The following LZTFL1 variants were observed in gnomAD, a reference collection of about 807,000 sequenced individuals.
LZTFL1 encodes the protein leucine zipper transcription factor like 1.
LZTFL1 carries 25 observed loss-of-function variants against 45.9 expected under a neutral mutation model. That is an observed-to-expected ratio of 0.54 (90% CI 0.40 to 0.76). The LOEUF (loss-of-function observed/expected upper bound fraction) is 0.76, where lower values mean the gene tolerates loss of function less well. LZTFL1 is among the 30% of genes least tolerant of loss of function. The probability of loss-of-function intolerance (pLI) is 0.00; values close to 1 mark genes in which losing one functional copy is unlikely to be tolerated. For missense variants in LZTFL1, 277 were observed against 331.1 expected (o/e 0.84, Z 1.27); for synonymous variants, 93 against 117.4 (o/e 0.79, Z 1.35).
In LZTFL1 at chr3:45,878,876, C is replaced by T. The variant is rs140931390; in HGVS notation, c.-214-19860G>A. ...CGGGCAGATCACGAGGTCAGGAGTT[C>T]GAGATACTTCACTGAAGAAGATATG... On this transcript the variant is annotated intron_variant, in intron 2 of 4. Transcript: ENST00000472635. 3.1e-3 allele frequency among the ~76,000 whole-genome samples: 474 copies of T among 152,226 alleles called. 2 individuals carry two copies. The highest frequency in any genetic ancestry group is 0.01 in the African/African-American group (425 of 41,538).
intron 2 of LZTFL1, among the ~76,000 whole-genome samples, chr3:45,884,440 ATG>A (rs1030549797): frequency 3.9e-5 from 6 of 152,162 alleles, no homozygotes; most frequent in African/African-American, 1.2e-4. Context: ...AGGAGAGGGC[ATG>A]TGAGTGCTCT....
At position 45,826,322 on chromosome 3, in the gene LZTFL1, C is replaced by G; in HGVS notation, c.892G>C (p.Glu298Gln). The change falls in exon 10 of 10, where the codon GAA becomes CAA. Residue 298 changes from glutamate (E) to glutamine (Q), a missense_variant. By Grantham distance (29) the Glu-to-Gln change is conservative. Transcript: ENST00000296135. ...AGAGGAAATCTTCAGTTTTAATCTTCAGGTTCATATCTGGAGATATAAATT... is the reference window on the plus strand; with the variant it reads ...AGAGGAAATCTTCAGTTTTAATCTTGAGGTTCATATCTGGAGATATAAATT... The part of the protein sequence containing the change: ...LRKRLAQYEP[E>Q]D The G allele has an allele frequency of 6.2e-7, 1 of 1,612,348 alleles. No homozygotes were observed. The highest frequency in any genetic ancestry group is 8.5e-7 in the Non-Finnish European group (1 of 1,178,680).
At chr3:45,851,508 A>G (rs1464960873) in intron 4 of LZTFL1, among the ~76,000 whole-genome samples, 2 of 151,916 alleles carry the variant, frequency 1.3e-5, no homozygotes, top group African/African-American at 4.8e-5. Flanking sequence ...TAGAAGAGTG[A>G]GCCACCGTGC....
intron 4 of LZTFL1, among the ~76,000 whole-genome samples, chr3:45,850,339 A>G (rs1456562967): frequency 6.6e-6 from 1 of 152,196 alleles, no homozygotes; most frequent in Non-Finnish European, 1.5e-5. Context: ...ATGGAAGGAC[A>G]TGCATGAGTA....
intron 2 of LZTFL1, among the ~76,000 whole-genome samples, chr3:45,905,165 G>A (rs1355906345): frequency 6.6e-6 from 1 of 152,170 alleles, no homozygotes. Flanking sequence ...TAGTCACTGT[G>A]TGTGGTTAGT....
intron 2 of LZTFL1, among the ~76,000 whole-genome samples, chr3:45,911,835 T>C (rs2125774237): frequency 6.6e-6 from 1 of 152,344 alleles, no homozygotes; most frequent in South Asian, 2.1e-4. Flanking sequence ...GGGCATTTGG[T>C]TTTTTACTGG....
intron 2 of LZTFL1, among the ~76,000 whole-genome samples, chr3:45,866,645 T>C (rs941324082): frequency 3.3e-5 from 5 of 152,204 alleles, no homozygotes; most frequent in Non-Finnish European, 7.3e-5. Flanking sequence ...AAACATACCA[T>C]GGCTTCACAC....
chr3:45,852,502 A>G (rs962336349), intron 4 of LZTFL1, among the ~76,000 whole-genome samples: 1 of 152,220 alleles, frequency 6.6e-6, no homozygotes, highest in Non-Finnish European at 1.5e-5. Context: ...AAGAACAAGG[A>G]AGAATCCATG....
At chr3:45,903,558 T>A (rs552324185) in intron 2 of LZTFL1, among the ~76,000 whole-genome samples, 1 of 152,328 alleles carries the variant, frequency 6.6e-6, no homozygotes, top group Non-Finnish European at 1.5e-5. Flanking sequence ...TCCAACGCCA[T>A]CCCTTTCCAA....
intron 2 of LZTFL1, among the ~76,000 whole-genome samples, chr3:45,889,973 G>A (rs1702097840): frequency 6.6e-6 from 1 of 151,364 alleles, no homozygotes; most frequent in South Asian, 2.1e-4. Context: ...AGTCAGAGAT[G>A]TTGTGCTTTG....
intron 2 of LZTFL1, among the ~76,000 whole-genome samples, chr3:45,908,934 G>A (rs138997910): frequency 1.1e-4 from 16 of 152,260 alleles, no homozygotes; most frequent in African/African-American, 3.1e-4. Flanking sequence ...GTGAAGCTTC[G>A]TCTGTATTTA....
rs1700950708 is a variant in LZTFL1 at position 45,835,739 on chromosome 3, G to A, written c.174C>T (p.Leu58=). 1 of 1,614,106 alleles carries A rather than the reference G, an allele frequency of 6.2e-7. No individual in the cohort carries two copies. The highest frequency in any genetic ancestry group is 1.3e-5 in the African/African-American group (1 of 75,030). The part of the protein sequence containing the change: ...TFTIDEVSEV[L]NGLQAVVHSE... ...TATGAACCACAGCTTGTAATCCATT[G>A]AGGACTTCAGAGACTTCATCTATGG... Residue 58 remains leucine, a synonymous_variant, in exon 3 of 10, where the codon CTC becomes CTT. Transcript: ENST00000296135.
intron 1 of LZTFL1, chr3:45,913,302 T>A: frequency 2.9e-6 from 2 of 691,358 alleles, no homozygotes; most frequent in Non-Finnish European, 4.7e-6. Flanking sequence ...TAAAGATCCT[T>A]AACTTTTTTT....
intron 2 of LZTFL1, among the ~76,000 whole-genome samples, chr3:45,907,067 C>T (rs1408133984): frequency 1.3e-5 from 2 of 152,242 alleles, no homozygotes; most frequent in African/African-American, 4.8e-5. Flanking sequence ...ATGCAGACCT[C>T]TCAGGTTGGC....
At chr3:45,858,251 A>G (rs1701426729) in intron 3 of LZTFL1, among the ~76,000 whole-genome samples, 1 of 152,192 alleles carries the variant, frequency 6.6e-6, no homozygotes, top group South Asian at 2.1e-4. Context: ...AAAGCATCTC[A>G]TGCTTCACAA....
At position 45,889,805 on chromosome 3, in the gene LZTFL1, A is replaced by G. The variant is rs144180015; in HGVS notation, c.-215+23315T>C. ...GACCATCCTTGTTTATTGGCTACACATGGTTTATTGGATTGATGTGTCATA... is the reference window on the plus strand; with the variant it reads ...GACCATCCTTGTTTATTGGCTACACGTGGTTTATTGGATTGATGTGTCATA... On this transcript the variant is annotated intron_variant, in intron 2 of 4. Coordinates refer to the LZTFL1 transcript ENST00000472635. Among the ~76,000 whole-genome samples, 1,491 of 151,764 alleles carry G rather than the reference A, an allele frequency of 9.8e-3. 27 individuals are homozygous for G. The highest frequency in any genetic ancestry group is 0.033 in the African/African-American group (1,385 of 41,348).
intron 2 of LZTFL1, among the ~76,000 whole-genome samples, chr3:45,906,715 C>T (rs1702685962): frequency 6.6e-6 from 1 of 152,220 alleles, no homozygotes. Context: ...GGCTCTTCCC[C>T]ACACACATAT....
chr3:45,857,979 T>C (rs1701420750), intron 3 of LZTFL1, among the ~76,000 whole-genome samples: 1 of 152,238 alleles, frequency 6.6e-6, no homozygotes, highest in African/African-American at 2.4e-5. Flanking sequence ...TGGTTAATCA[T>C]AATGATAATT....
intron 2 of LZTFL1, among the ~76,000 whole-genome samples, chr3:45,876,124 A>G (rs1434393695): frequency 6.6e-6 from 1 of 152,210 alleles, no homozygotes; most frequent in Non-Finnish European, 1.5e-5. Context: ...CAGACCATTC[A>G]TTTGCTTTCT....
Sources: allele counts gnomAD v4.1 joint callset (sites outside exome capture counted in the v4.1 genomes callset), GRCh38; gene constraint gnomAD v4.1.1; transcripts MANE v1.5; gene names NCBI Gene and HGNC (gene_info 2026-07-23, HGNC 2026-07-21).